DAW1: variants seen among roughly 807,000 people sequenced by gnomAD.
DAW1 encodes the protein dynein assembly factor with WD repeats 1, also known as dynein assembly factor with WD repeat domains 1.
A neutral mutation model predicts 56.5 loss-of-function variants in DAW1; 47 were observed. The observed-to-expected ratio is 0.83, with a 90% CI of 0.66 to 1.06. DAW1 has a LOEUF of 1.06. DAW1 is among the 50% of genes least tolerant of loss of function. The pLI is 0.00. For synonymous variants in DAW1, 190 were observed against 179.0 expected (o/e 1.06, Z -0.49); for missense variants, 505 against 499.3 (o/e 1.01, Z -0.11).
At chr2:227,918,588 T>C (rs911233212) in intron 10 of DAW1, among the ~76,000 whole-genome samples, 192 bp from the exon 11 acceptor site, 1 of 152,210 alleles carries the variant, frequency 6.6e-6, no homozygotes, top group Non-Finnish European at 1.5e-5. Flanking sequence ...AGGAGCTCCC[T>C]CTCACCCTCT....
chr2:227,874,910 C>T (rs896616750), intron 1 of DAW1, among the ~76,000 whole-genome samples: 1 of 151,996 alleles, frequency 6.6e-6, no homozygotes, highest in African/African-American at 2.4e-5. Flanking sequence ...TTGCAGTGAG[C>T]CAAGATCACA....
rs139970617 is a variant in DAW1 at position 227,893,919 on chromosome 2, T to G, written c.440+2T>G. On this transcript the variant is annotated splice_donor_variant, in intron 5 of 12. Coordinates refer to ENST00000309931, the MANE Select transcript of DAW1 (RefSeq NM_178821.3). LOFTEE classifies it high-confidence loss of function. ...CATAGCATTCAACAATCCTTACGGG[T>G]GTGTTCATCCCTTCACTTATTTGTT... 215 of 1,592,268 alleles carry G rather than the reference T, an allele frequency of 1.4e-4. 1 individual carries two copies. The East Asian group carries it at 4.8e-3, about 35-fold the overall frequency.
In DAW1 at chr2:227,893,864, G is replaced by A. The variant is rs16824157; in HGVS notation, c.387G>A (p.Thr129=). ...CTGCGTCTGGAGAGGAGCTGAACAC[G>A]CTGGAGGGCCACAGGAATGTGGTTT... ...WDTASGEELN[T]LEGHRNVVYA... The change falls in exon 5 of 13, where the codon ACG becomes ACA. Residue 129 remains threonine, a synonymous_variant. Coordinates refer to ENST00000309931, the MANE Select transcript of DAW1 (RefSeq NM_178821.3). 9.4e-5 allele frequency: 152 copies of A among 1,613,620 alleles called. No individual in the cohort carries two copies. Among genetic ancestry groups the A allele is most frequent in the Non-Finnish European group, 1.2e-4 (138 of 1,179,884 alleles).
chr2:227,903,988 GT>G (rs112113759), intron 7 of DAW1, among the ~76,000 whole-genome samples: 2 of 147,716 alleles, frequency 1.4e-5, no homozygotes, highest in Admixed American at 6.8e-5. Context: ...TTCTTTTTTC[GT>G]TTTTTTTTTA....
In DAW1 at chr2:227,894,761, T is replaced by C. The variant is rs548620796; in HGVS notation, c.440+844T>C. The stretch of plus-strand genomic sequence containing the variant: ...GCACAGTGTCTTCTATTCTTCCTCA[T>C]GACACACTGCTGATTCCCATGGCAC... On this transcript the variant is annotated intron_variant, in intron 5 of 12. Transcript: ENST00000309931. Among the ~76,000 whole-genome samples the C allele has an allele frequency of 2.7e-3, 405 of 152,344 alleles. 2 individuals carry two copies. The highest frequency in any genetic ancestry group is 9.3e-3 in the African/African-American group (385 of 41,584).
At chr2:227,880,905 T>G (rs1690995400) in intron 1 of DAW1, among the ~76,000 whole-genome samples, 1 of 152,212 alleles carries the variant, frequency 6.6e-6, no homozygotes, top group African/African-American at 2.4e-5. Flanking sequence ...CAATTAATAC[T>G]TAGCATGTTG....
intron 6 of DAW1, 146 bp from the exon 7 acceptor site, chr2:227,902,856 G>C: frequency 1.3e-6 from 1 of 750,178 alleles, no homozygotes; most frequent in South Asian, 1.9e-5. Context: ...ACTCAACCTG[G>C]GGGTAGCAGG....
intron 10 of DAW1, among the ~76,000 whole-genome samples, chr2:227,918,383 C>G (rs1041197593): frequency 1.3e-5 from 2 of 152,160 alleles, no homozygotes; most frequent in Admixed American, 1.3e-4. Context: ...TGGGATGTTC[C>G]TTGTGTACCT....
At chr2:227,899,248 T>G (rs986741311) in intron 6 of DAW1, among the ~76,000 whole-genome samples, 1 of 152,212 alleles carries the variant, frequency 6.6e-6, no homozygotes, top group Non-Finnish European at 1.5e-5. Context: ...CCCCAAGTTA[T>G]GTTTTGGTCT....
intron 2 of DAW1, among the ~76,000 whole-genome samples, chr2:227,886,787 G>A (rs1470368236): frequency 6.9e-6 from 1 of 145,650 alleles, no homozygotes; most frequent in Non-Finnish European, 1.5e-5. Flanking sequence ...CTCTGTCTTT[G>A]TAAACAAACA....
chr2:227,919,742 G>A (rs532394138), intron 11 of DAW1, among the ~76,000 whole-genome samples: 2 of 152,294 alleles, frequency 1.3e-5, no homozygotes, highest in South Asian at 2.1e-4. Flanking sequence ...TCAGAACTTC[G>A]TAGAGTAGGC....
rs115018386 is a variant in DAW1 at position 227,915,626 on chromosome 2, G to C, written c.974-3154G>C. Among the ~76,000 whole-genome samples the C allele has an allele frequency of 6.5e-3, 991 of 152,166 alleles. 11 individuals carry two copies. Among genetic ancestry groups the C allele is most frequent in the African/African-American group, 0.02 (819 of 41,514 alleles). ...CTCCTTGAGAATGATGTGTGATGCTGTAACATACCCTGTCTGTAGTAAATC... is the reference window on the plus strand; with the variant it reads ...CTCCTTGAGAATGATGTGTGATGCTCTAACATACCCTGTCTGTAGTAAATC... On this transcript the variant is annotated intron_variant, in intron 10 of 12. Transcript: ENST00000309931.
chr2:227,909,231 A>AT (rs1222706921), intron 10 of DAW1, among the ~76,000 whole-genome samples: 8 of 77,750 alleles, frequency 1.0e-4, no homozygotes, highest in South Asian at 4.7e-4. Context: ...AGGTGGTGAT[A>AT]TTATCTATCT....
intron 10 of DAW1, among the ~76,000 whole-genome samples, chr2:227,914,762 T>A (rs774998648): frequency 6.6e-6 from 1 of 152,098 alleles, no homozygotes; most frequent in Non-Finnish European, 1.5e-5. Flanking sequence ...TGATGCTACA[T>A]GTTTTCATCA....
chr2:227,898,900 A>G (rs912575197), intron 6 of DAW1, among the ~76,000 whole-genome samples: 1 of 152,180 alleles, frequency 6.6e-6, no homozygotes, highest in African/African-American at 2.4e-5. Context: ...TACTGACTCA[A>G]TGAGGGTCAA....
At chr2:227,910,106 A>G (rs1200594472) in intron 10 of DAW1, among the ~76,000 whole-genome samples, 1 of 152,152 alleles carries the variant, frequency 6.6e-6, no homozygotes, top group East Asian at 1.9e-4. Flanking sequence ...ATAGTCATAT[A>G]TGATATTGTA....
chr2:227,910,379 A>G (rs1200741071), intron 10 of DAW1, among the ~76,000 whole-genome samples: 1 of 152,070 alleles, frequency 6.6e-6, no homozygotes, highest in Non-Finnish European at 1.5e-5. Context: ...AAGCTGAGGA[A>G]AATAACCTGA....
At chr2:227,901,657 T>A (rs1247867623) in intron 6 of DAW1, among the ~76,000 whole-genome samples, 3 of 151,832 alleles carry the variant, frequency 2.0e-5, no homozygotes, top group African/African-American at 7.3e-5. Context: ...ATCAGGGAGG[T>A]TAAGCGGGAT....
intron 5 of DAW1, among the ~76,000 whole-genome samples, chr2:227,894,870 G>C (rs1691369786): frequency 6.6e-6 from 1 of 152,208 alleles, no homozygotes; most frequent in Non-Finnish European, 1.5e-5. Flanking sequence ...TCAAGAGTTA[G>C]TTGTATTTGT....
Sources: gnomAD v4.1 joint callset for allele counts (sites outside exome capture counted in the v4.1 genomes callset) on GRCh38, gnomAD v4.1.1 for gene constraint, MANE v1.5 for transcripts, NCBI Gene and HGNC (gene_info 2026-07-23, HGNC 2026-07-21) for gene names.